PAPPA: variants seen among roughly 807,000 people sequenced by gnomAD.
PAPPA encodes pappalysin-1.
In PAPPA, 60 loss-of-function variants were observed where a neutral mutation model predicts 164.0. The observed-to-expected ratio is 0.37, with a 90% CI of 0.30 to 0.45. The LOEUF is 0.45. Among genes scored for constraint, PAPPA ranks in the 20% least tolerant of loss-of-function variants. The probability of loss-of-function intolerance (pLI) is 1.00; values close to 1 mark genes in which losing one functional copy is unlikely to be tolerated. For missense variants in PAPPA, 1,782 were observed against 2,087.3 expected, an observed-to-expected ratio of 0.85 and a Z score of 2.85; for synonymous variants, 875 against 814.1, an observed-to-expected ratio of 1.07 and a Z score of -1.27.
chr9:116,176,835 T>C (rs978995927), intron 1 of PAPPA, among the ~76,000 whole-genome samples: 9 of 152,060 alleles, frequency 5.9e-5, no homozygotes, highest in African/African-American at 2.2e-4. Flanking sequence ...AAAATGGAGT[T>C]GACAAGATGA....
intron 10 of PAPPA, among the ~76,000 whole-genome samples, chr9:116,321,722 G>A (rs935273170): frequency 6.6e-6 from 1 of 152,164 alleles, no homozygotes; most frequent in Admixed American, 6.5e-5. Context: ...ATCTTATAAA[G>A]CCTTGGGAAA....
intron 5 of PAPPA, among the ~76,000 whole-genome samples, chr9:116,223,630 C>T (rs551350715): frequency 9.2e-5 from 14 of 152,282 alleles, no homozygotes; most frequent in South Asian, 4.1e-4. Context: ...TTAGCAGCTA[C>T]GTTGACCATA....
intron 9 of PAPPA, among the ~76,000 whole-genome samples, chr9:116,296,736 T>A (rs973092116): frequency 6.6e-6 from 1 of 152,062 alleles, no homozygotes; most frequent in Non-Finnish European, 1.5e-5. Flanking sequence ...AAACAACCTT[T>A]GTAAGGGTGT....
At chr9:116,315,348 G>C (rs77365528) in intron 10 of PAPPA, among the ~76,000 whole-genome samples, 1 of 152,102 alleles carries the variant, frequency 6.6e-6, no homozygotes, top group Non-Finnish European at 1.5e-5. Context: ...CCTCACCCCC[G>C]GAATGTTCAC....
chr9:116,313,098 A>G (rs1176892217), intron 10 of PAPPA, among the ~76,000 whole-genome samples: 1 of 151,504 alleles, frequency 6.6e-6, no homozygotes, highest in African/African-American at 2.4e-5. Context: ...AAAAAAAAAA[A>G]AAAGAAACTC....
At chr9:116,386,742 C>T (rs1846818841) in intron 21 of PAPPA, among the ~76,000 whole-genome samples, 1 of 152,166 alleles carries the variant, frequency 6.6e-6, no homozygotes, top group Non-Finnish European at 1.5e-5. Context: ...CACCATGAGC[C>T]CAGACTGCCA....
At chr9:116,390,021 C>T (rs1846869953) in intron 21 of PAPPA, among the ~76,000 whole-genome samples, 3 of 152,142 alleles carry the variant, frequency 2.0e-5, no homozygotes, top group Admixed American at 6.5e-5. Context: ...GTACTCAACA[C>T]CCACAAATAA....
At chr9:116,364,141 G>A (rs1177996753) in intron 18 of PAPPA, among the ~76,000 whole-genome samples, 1 of 152,204 alleles carries the variant, frequency 6.6e-6, no homozygotes, top group Non-Finnish European at 1.5e-5. Flanking sequence ...ACCATCCCAA[G>A]GCCAACACTT....
At position 116,379,539 on chromosome 9, in the gene PAPPA, TCATCCATC is replaced by T. The variant is rs60827972; in HGVS notation, c.4677+1929_4677+1936del. On this transcript the variant is annotated intron_variant, in intron 20 of 21. Coordinates refer to ENST00000328252, the MANE Select transcript of PAPPA (RefSeq NM_002581.5). ...GTCATCTATGATATCTTCTTGCCTG[TCATCCATC>T]CATCCATCCATCCATCCATCCATCC... is the stretch of plus-strand genomic sequence containing the variant. Among the ~76,000 whole-genome samples the T allele has an allele frequency of 0.011, 1,675 of 149,900 alleles. 118 individuals are homozygous for T. In the South Asian group the frequency reaches 0.16, roughly 14 times the overall value.
intron 10 of PAPPA, among the ~76,000 whole-genome samples, chr9:116,328,939 T>C (rs1845954957): frequency 6.6e-6 from 1 of 152,208 alleles, no homozygotes; most frequent in Admixed American, 6.5e-5. Context: ...ACTATAAATA[T>C]GAAATTACTT....
At chr9:116,355,450 G>A (rs1481709588) in intron 17 of PAPPA, among the ~76,000 whole-genome samples, 2 of 152,322 alleles carry the variant, frequency 1.3e-5, no homozygotes, top group African/African-American at 4.8e-5. Context: ...GGCACCACCT[G>A]AGAATCCTGT....
chr9:116,322,708 C>G (rs1002132693), intron 10 of PAPPA, among the ~76,000 whole-genome samples: 1 of 152,130 alleles, frequency 6.6e-6, no homozygotes, highest in South Asian at 2.1e-4. Flanking sequence ...TGGGAAATAA[C>G]CTGGCATTGG....
intron 8 of PAPPA, among the ~76,000 whole-genome samples, chr9:116,269,711 T>C (rs149558482): frequency 1.1e-3 from 164 of 152,318 alleles, no homozygotes; most frequent in African/African-American, 3.8e-3. Context: ...TGGGTGGCGA[T>C]GGAAGGGAGG....
chr9:116,278,597 A>C (rs1219000440), intron 9 of PAPPA, among the ~76,000 whole-genome samples: 1 of 151,894 alleles, frequency 6.6e-6, no homozygotes. Context: ...GTCATTCTGT[A>C]TTTTAGGCTG....
chr9:116,318,400 T>C (rs1412767431), intron 10 of PAPPA: 2 of 151,798 alleles, frequency 1.3e-5, no homozygotes, highest in African/African-American at 2.4e-5. Flanking sequence ...ACCTAACACA[T>C]AAATAAGTGC....
intron 10 of PAPPA, among the ~76,000 whole-genome samples, chr9:116,326,138 G>A (rs940846026): frequency 1.3e-5 from 2 of 152,142 alleles, no homozygotes; most frequent in Non-Finnish European, 2.9e-5. Context: ...TGTCCATGAA[G>A]TAATCAAGAG....
Position 116,344,664 on chromosome 9 carries a change from G to T in PAPPA, c.3733G>T (p.Gly1245Cys). 1 of 1,614,190 alleles carries T rather than the reference G, an allele frequency of 6.2e-7. No individual in the cohort carries two copies. Among genetic ancestry groups the T allele is most frequent in the East Asian group, 2.2e-5 (1 of 44,882 alleles). Residue 1245 changes from glycine to cysteine, a missense_variant, in exon 14 of 22, where the codon GGC becomes TGC. Transcript: ENST00000328252. Reference protein sequence around the residue: ...GAQCTVSCRTGYVLQIRRDDE... With the variant: ...GAQCTVSCRTCYVLQIRRDDE... The stretch of plus-strand genomic sequence containing the variant: ...CCAGTGTACTGTGAGCTGCCGGACA[G>T]GCTACGTGCTCCAGATACGGCGGGA...
chr9:116,276,445 T>C (rs1845199163), intron 9 of PAPPA, among the ~76,000 whole-genome samples: 1 of 152,154 alleles, frequency 6.6e-6, no homozygotes, highest in Non-Finnish European at 1.5e-5. Context: ...GTTCCCAGTT[T>C]AGATCTAGAG....
Position 116,235,148 on chromosome 9 carries a change from A to G in PAPPA, c.2243A>G (p.Asp748Gly). The change falls in exon 7 of 22, where the codon GAT becomes GGT. Residue 748 changes from aspartate to glycine, a missense_variant. Asp to Gly is a moderately conservative substitution (Grantham distance 94). Around this residue, in one of 2 missense-constraint regions of PAPPA, gnomAD observed 1,324 missense variants for 1,656.9 expected, o/e 0.80. Coordinates refer to ENST00000328252, the MANE Select transcript of PAPPA (RefSeq NM_002581.5). ...CATCTCTTCTGCATAGGTCATCCTG[A>G]TGTTGAACAGCCCTGTAAGTCCAGT... The part of the protein sequence containing the change: ...WSPREAEGHP[D>G]VEQPCKSSVR... 6.2e-7 allele frequency: 1 copy of G among 1,614,116 alleles called. No individual in the cohort carries two copies.
Sources: allele counts gnomAD v4.1 joint callset (sites outside exome capture counted in the v4.1 genomes callset), GRCh38; gene constraint gnomAD v4.1.1; regional missense constraint gnomAD v4.1.1; transcripts MANE v1.5; gene names NCBI Gene and HGNC (gene_info 2026-07-23, HGNC 2026-07-21).